The following MYO3B variants were observed in gnomAD, a reference collection of about 807,000 sequenced individuals.
MYO3B encodes myosin IIIB.
MYO3B carries 156 observed loss-of-function variants against 174.6 expected under a neutral mutation model. The ratio of observed to expected loss-of-function variants is 0.89; its 90% CI spans 0.78 to 1.02. The LOEUF is 1.02. MYO3B is among the 50% of genes least tolerant of loss of function. The probability of loss-of-function intolerance (pLI) is 0.00; values close to 1 mark genes in which losing one functional copy is unlikely to be tolerated. For missense variants in MYO3B, 1,632 were observed against 1,639.4 expected (o/e 1.00, Z 0.08); for synonymous variants, 563 against 569.1 (o/e 0.99, Z 0.15).
intron 32 of MYO3B, among the ~76,000 whole-genome samples, chr2:170,614,776 CCTGA>C (rs1196271794): frequency 6.6e-6 from 1 of 152,178 alleles, no homozygotes; most frequent in Non-Finnish European, 1.5e-5. Context: ...TCCCCTCAGT[CCTGA>C]CTCTCAGAGA....
At chr2:170,245,511 T>C (rs1026357945) in intron 7 of MYO3B, among the ~76,000 whole-genome samples, 1 of 152,222 alleles carries the variant, frequency 6.6e-6, no homozygotes, top group African/African-American at 2.4e-5. Flanking sequence ...AGTCTTACCC[T>C]GGCAGAACTC....
At chr2:170,575,570 C>T (rs1692734802) in intron 32 of MYO3B, among the ~76,000 whole-genome samples, 2 of 152,048 alleles carry the variant, frequency 1.3e-5, no homozygotes, top group African/African-American at 2.4e-5. Context: ...GGCTTTTTTT[C>T]TAACCATTTA....
chr2:170,384,798 C>A (rs2094361524), intron 12 of MYO3B, among the ~76,000 whole-genome samples: 1 of 152,180 alleles, frequency 6.6e-6, no homozygotes. Context: ...AATTCTCCAA[C>A]ACCAACTGGG....
intron 28 of MYO3B, 133 bp from the exon 29 acceptor site, chr2:170,514,788 A>C (rs530524045): frequency 1.5e-6 from 1 of 649,184 alleles, no homozygotes; most frequent in South Asian, 2.1e-5. Flanking sequence ...TTCATAAGTG[A>C]GATTAGTCAC....
chr2:170,295,451 T>A (rs914486675), intron 7 of MYO3B, among the ~76,000 whole-genome samples: 1 of 152,124 alleles, frequency 6.6e-6, no homozygotes, highest in South Asian at 2.1e-4. Flanking sequence ...TTTAATATAC[T>A]ATATTGATTT....
chr2:170,230,618 A>C (rs148074585), intron 6 of MYO3B, among the ~76,000 whole-genome samples: 140 of 151,566 alleles, frequency 9.2e-4, no homozygotes, highest in African/African-American at 3.3e-3. Flanking sequence ...ATTTATTTAT[A>C]TTTTCAAGAC....
At chr2:170,537,200 CAAA>C (rs1195145091) in intron 30 of MYO3B, among the ~76,000 whole-genome samples, 18 of 15,656 alleles carry the variant, frequency 1.1e-3, no homozygotes, top group South Asian at 2.2e-3. Flanking sequence ...GACTCTGTCT[CAAA>C]AAAAAAAAAA....
chr2:170,277,019 A>G (rs1049157477), intron 7 of MYO3B, among the ~76,000 whole-genome samples: 5 of 152,188 alleles, frequency 3.3e-5, no homozygotes, highest in Non-Finnish European at 5.9e-5. Flanking sequence ...GCTTAGATAC[A>G]GTGAATTCTG....
rs147997158 is a variant in MYO3B at position 170,584,553 on chromosome 2, GT to G, written c.3733+40571del. 4.9e-3 allele frequency among the ~76,000 whole-genome samples: 749 copies of G among 152,270 alleles called. 14 individuals carry two copies. The highest frequency in any genetic ancestry group is 0.018 in the African/African-American group (739 of 41,562). Reference sequence around the variant, plus strand: ...CTCTTCAACTATCTTTGCTGTTCATGTTTTTTCCCCCATTAAGTGTTTCTTG... The same window carrying G: ...CTCTTCAACTATCTTTGCTGTTCATGTTTTTCCCCCATTAAGTGTTTCTTG... On this transcript the variant is annotated intron_variant, in intron 32 of 34. Coordinates refer to ENST00000408978, the MANE Select transcript of MYO3B (RefSeq NM_138995.5).
intron 3 of MYO3B, among the ~76,000 whole-genome samples, chr2:170,209,655 A>G (rs1381216763): frequency 2.6e-5 from 4 of 152,284 alleles, no homozygotes; most frequent in South Asian, 4.1e-4. Context: ...TGTTGGGAAT[A>G]AAAAAATTGC....
At chr2:170,306,902 T>G (rs1446208134) in intron 7 of MYO3B, among the ~76,000 whole-genome samples, 1 of 152,240 alleles carries the variant, frequency 6.6e-6, no homozygotes, top group African/African-American at 2.4e-5. Flanking sequence ...AACTACGTTT[T>G]AATTAATTTC....
intron 6 of MYO3B, among the ~76,000 whole-genome samples, chr2:170,218,673 T>C (rs2092857764): frequency 1.3e-5 from 2 of 152,214 alleles, no homozygotes; most frequent in Admixed American, 1.3e-4. Context: ...TCTTTTGATC[T>C]CCAACTGTTA....
intron 30 of MYO3B, among the ~76,000 whole-genome samples, chr2:170,522,224 A>G (rs957675269): frequency 6.6e-6 from 1 of 152,002 alleles, no homozygotes; most frequent in African/African-American, 2.4e-5. Context: ...CTCTGTTCTG[A>G]GCTCCACACT....
rs978010878 is a variant in MYO3B at position 170,645,302 on chromosome 2, C to A, written c.3734-6326C>A. On this transcript the variant is annotated intron_variant, in intron 32 of 34. Transcript: ENST00000408978. ...CCTGGCCAACATGGTGAAACCCCAT[C>A]TCTACTAAAAATACAAAAAATTAGC... 4.6e-5 allele frequency among the ~76,000 whole-genome samples: 7 copies of A among 151,996 alleles called. No individual in the cohort carries two copies. In the East Asian group the frequency reaches 1.4e-3, roughly 29 times the overall value.
chr2:170,556,544 A>G (rs2106240399), intron 32 of MYO3B, among the ~76,000 whole-genome samples: 1 of 151,288 alleles, frequency 6.6e-6, no homozygotes, highest in South Asian at 2.1e-4. Flanking sequence ...TTTTTGAGAC[A>G]GAGTTTAGCT....
At position 170,343,030 on chromosome 2, in the gene MYO3B, A is replaced by AACACACAC. The variant is rs56221872; in HGVS notation, c.815+7621_815+7628dup. 2.9e-3 allele frequency among the ~76,000 whole-genome samples: 399 copies of AACACACAC among 136,006 alleles called. 4 individuals carry two copies. Among genetic ancestry groups the AACACACAC allele is most frequent in the Admixed American group, 5.1e-3 (69 of 13,568 alleles). The allele number at this position is 136,006 out of a possible 152,430, so 89.2% of individuals were successfully genotyped here. A position where few individuals can be genotyped will look rare whatever the true frequency, so the allele number is the denominator to read the frequency against. On this transcript the variant is annotated intron_variant, in intron 8 of 34. Coordinates refer to ENST00000408978, the MANE Select transcript of MYO3B (RefSeq NM_138995.5). ...ACTTACTTCCACAGTTCGGGCCTCTAACACACACACACACACACACACACA... is the reference window on the plus strand; with the variant it reads ...ACTTACTTCCACAGTTCGGGCCTCTAACACACACACACACACACACACACACACACACA...
At chr2:170,274,547 A>G (rs986393702) in intron 7 of MYO3B, among the ~76,000 whole-genome samples, 8 of 152,174 alleles carry the variant, frequency 5.3e-5, no homozygotes, top group African/African-American at 1.9e-4. Flanking sequence ...AAGATGCTGC[A>G]GGGCACCCAG....
At chr2:170,531,529 CAT>C (rs1689353703) in intron 30 of MYO3B, among the ~76,000 whole-genome samples, 1 of 152,140 alleles carries the variant, frequency 6.6e-6, no homozygotes, top group African/African-American at 2.4e-5. Flanking sequence ...AATGAGGTAA[CAT>C]ATACAAAGTA....
intron 23 of MYO3B, among the ~76,000 whole-genome samples, chr2:170,454,008 C>T (rs1683766440): frequency 6.6e-6 from 1 of 152,208 alleles, no homozygotes; most frequent in East Asian, 1.9e-4. Flanking sequence ...ACAGAGGGTT[C>T]TTCAAGTTAG....
Sources: allele counts gnomAD v4.1 joint callset (sites outside exome capture counted in the v4.1 genomes callset), GRCh38; gene constraint gnomAD v4.1.1; transcripts MANE v1.5; gene names NCBI Gene and HGNC (gene_info 2026-07-23, HGNC 2026-07-21).